Variants in DOCK1 observed in about 807,000 individuals in gnomAD.
The protein encoded by DOCK1 is dedicator of cytokinesis 1, also known as dedicator of cytokinesis protein 1.
A neutral mutation model predicts 262.7 loss-of-function variants in DOCK1; 138 were observed. The ratio of observed to expected loss-of-function variants is 0.53; its 90% CI spans 0.46 to 0.61. The LOEUF (loss-of-function observed/expected upper bound fraction) is 0.61. Ranked by LOEUF, DOCK1 falls within the 20% of genes least tolerant of loss-of-function variation. The probability of loss-of-function intolerance (pLI) is 0.00; values close to 1 mark genes in which losing one functional copy is unlikely to be tolerated. For missense variants in DOCK1, 1,908 were observed against 2,370.7 expected (o/e 0.80, Z 4.05); for synonymous variants, 866 against 867.4 (o/e 1.00, Z 0.03).
intron 1 of DOCK1, among the ~76,000 whole-genome samples, chr10:126,920,415 C>T (rs1284707557): frequency 2.0e-5 from 3 of 152,186 alleles, no homozygotes; most frequent in Non-Finnish European, 4.4e-5. Flanking sequence ...GTGCTTGAGT[C>T]ACGCTTCCAG....
intron 44 of DOCK1, among the ~76,000 whole-genome samples, chr10:127,416,042 G>T (rs2068130474): frequency 6.6e-6 from 1 of 152,194 alleles, no homozygotes; most frequent in African/African-American, 2.4e-5. Flanking sequence ...GTCTCTAGGG[G>T]CCGGCATCTC....
At chr10:127,026,301 C>T (rs370756121) in intron 15 of DOCK1, 51 bp from the exon 16 acceptor site, 56 of 1,495,004 alleles carry the variant, frequency 3.7e-5, no homozygotes, top group African/African-American at 5.6e-5. Context: ...AAAGCTGTTA[C>T]GCTGGATGAT....
chr10:127,094,383 G>A (rs186993364), intron 23 of DOCK1, among the ~76,000 whole-genome samples: 13 of 152,200 alleles, frequency 8.5e-5, no homozygotes, highest in East Asian at 1.9e-4. Flanking sequence ...GTATGCCTGC[G>A]GGTGGGGAGC....
intron 29 of DOCK1, among the ~76,000 whole-genome samples, chr10:127,283,147 TG>T (rs2061023206): frequency 6.6e-6 from 1 of 152,242 alleles, no homozygotes; most frequent in Non-Finnish European, 1.5e-5. Context: ...GAAGGCCAGT[TG>T]GAAGTTCTGC....
At chr10:127,317,296 A>ACTT (rs2062326686) in intron 29 of DOCK1, among the ~76,000 whole-genome samples, 1 of 152,322 alleles carries the variant, frequency 6.6e-6, no homozygotes, top group South Asian at 2.1e-4. Context: ...TAGGAGAGTG[A>ACTT]CTTAGTTCAC....
At chr10:127,300,816 T>TGCCTC (rs536713538) in intron 29 of DOCK1, among the ~76,000 whole-genome samples, 251 of 152,286 alleles carry the variant, frequency 1.6e-3, no homozygotes, top group Admixed American at 2.6e-3. Context: ...TGCTTTGCTT[T>TGCCTC]GCCTCTGTGG....
intron 27 of DOCK1, chr10:127,146,022 A>C (rs779795335): frequency 1.9e-6 from 1 of 518,008 alleles, no homozygotes; most frequent in Non-Finnish European, 3.9e-6. Context: ...TCTATTCCCC[A>C]TGGAATTTCA....
rs2053744106 is a variant in DOCK1, at chr10:127,163,183, ATGTCTTTGTTCCTCTTCACAATC to A, written c.2847+35420_2847+35442del. Among the ~76,000 whole-genome samples, 7 of 152,126 alleles carry A rather than the reference ATGTCTTTGTTCCTCTTCACAATC, an allele frequency of 4.6e-5. No homozygotes were observed. The South Asian group carries it at 1.5e-3, about 32-fold the overall frequency. On this transcript the variant is annotated intron_variant, in intron 27 of 51. Coordinates refer to ENST00000623213, the MANE Select transcript of DOCK1 (RefSeq NM_001290223.2). ...ACTGGGCATTTTGCTGGCTGGGAAC[ATGTCTTTGTTCCTCTTCACAATC>A]CTAGCTGATAGCTTGGTGACTTCTG... is the stretch of plus-strand genomic sequence containing the variant.
At chr10:127,312,843 C>T (rs1315167859) in intron 29 of DOCK1, among the ~76,000 whole-genome samples, 2 of 150,738 alleles carry the variant, frequency 1.3e-5, no homozygotes, top group East Asian at 3.9e-4. Flanking sequence ...CCCTCCCTTC[C>T]ACTGAACAAC....
intron 12 of DOCK1, among the ~76,000 whole-genome samples, chr10:127,017,058 CAGATGCAGACACCATAA>C (rs2042006210): frequency 3.8e-5 from 3 of 78,134 alleles, no homozygotes; most frequent in Non-Finnish European, 7.5e-5. Flanking sequence ...CACACACACA[CAGATGCAGACACCATAA>C]ACACAGATAC....
chr10:127,381,441 C>A, intron 37 of DOCK1, 73 bp downstream of exon 37: 1 of 1,439,564 alleles, frequency 6.9e-7, no homozygotes, highest in Admixed American at 2.0e-5. Flanking sequence ...TTGTATTTTT[C>A]CATGGCAAAT....
intron 7 of DOCK1, among the ~76,000 whole-genome samples, chr10:126,997,138 C>T (rs1186313410): frequency 1.3e-5 from 2 of 152,106 alleles, no homozygotes; most frequent in African/African-American, 4.8e-5. Flanking sequence ...TTTGTGTTCT[C>T]ATCTGTCAAA....
chr10:127,405,806 T>C lies in DOCK1; in HGVS notation c.4122+1377T>C, dbSNP rs1005358431. On this transcript the variant is annotated intron_variant, in intron 40 of 51. Coordinates refer to ENST00000623213, the MANE Select transcript of DOCK1 (RefSeq NM_001290223.2). ...ACGGAGGCGTCTGGCCCTGTCCTGGTCACTCCTGGTCACTGCTGGTCAGCT... is the reference window on the plus strand; with the variant it reads ...ACGGAGGCGTCTGGCCCTGTCCTGGCCACTCCTGGTCACTGCTGGTCAGCT... Among the ~76,000 whole-genome samples, 33 of 99,536 alleles carry C rather than the reference T, an allele frequency of 3.3e-4. No individual in the cohort carries two copies. In the Admixed American group the frequency reaches 3.4e-3, roughly 10 times the overall value. 65.3% of individuals were successfully genotyped at this position (99,536 alleles called of 152,430 possible).
intron 29 of DOCK1, among the ~76,000 whole-genome samples, chr10:127,305,815 A>C (rs2135462197): frequency 6.6e-6 from 1 of 152,296 alleles, no homozygotes; most frequent in Admixed American, 6.5e-5. Flanking sequence ...TGATTTCAGA[A>C]GTAGTTTTTC....
At chr10:126,992,143 A>C (rs1157166173) in intron 6 of DOCK1, among the ~76,000 whole-genome samples, 2 of 152,254 alleles carry the variant, frequency 1.3e-5, no homozygotes, top group Non-Finnish European at 2.9e-5. Context: ...TTTTTCCAGA[A>C]AGCCTGAGAT....
intron 27 of DOCK1, among the ~76,000 whole-genome samples, chr10:127,130,517 T>C (rs1344256654): frequency 6.6e-6 from 1 of 152,146 alleles, no homozygotes; most frequent in East Asian, 1.9e-4. Flanking sequence ...GTGGAGAGAT[T>C]ATAAGATGTG....
rs1437090136 is a variant in DOCK1 at position 127,447,379 on chromosome 10, A to T, written c.5414-15A>T. 6 of 1,608,458 alleles carry T rather than the reference A, an allele frequency of 3.7e-6. No homozygotes were observed. In the East Asian group the frequency reaches 1.3e-4, roughly 36 times the overall value. ...GGGAAGTCGGGCTGATTTTAAATAG[A>T]TCCCGGTTTTCCAGGCTTGGAGCTG... On this transcript the variant is annotated splice_polypyrimidine_tract_variant and intron_variant, in intron 50 of 51. Coordinates refer to ENST00000623213, the MANE Select transcript of DOCK1 (RefSeq NM_001290223.2).
chr10:127,295,529 A>G (rs923450811), intron 29 of DOCK1, among the ~76,000 whole-genome samples: 5 of 152,050 alleles, frequency 3.3e-5, no homozygotes, highest in Non-Finnish European at 7.4e-5. Context: ...TACAAAAAAA[A>G]TTTAGAAATA....
intron 1 of DOCK1, among the ~76,000 whole-genome samples, chr10:126,928,085 G>A (rs2033899835): frequency 6.6e-6 from 1 of 152,210 alleles, no homozygotes; most frequent in Admixed American, 6.5e-5. Flanking sequence ...AGTGGGAACG[G>A]CACATCCTAG....
Sources: gnomAD v4.1 joint callset for allele counts (sites outside exome capture counted in the v4.1 genomes callset) on GRCh38, gnomAD v4.1.1 for gene constraint, MANE v1.5 for transcripts, NCBI Gene and HGNC (gene_info 2026-07-23, HGNC 2026-07-21) for gene names.